SEMA3C: variants seen among roughly 807,000 people sequenced by gnomAD.
SEMA3C encodes semaphorin 3C.
Under a neutral mutation model 89.4 loss-of-function variants are expected in SEMA3C, and 47 were observed. That is an observed-to-expected ratio of 0.53 (90% CI 0.42 to 0.67). The LOEUF is 0.67. Ranked by LOEUF, SEMA3C falls within the 30% of genes least tolerant of loss-of-function variation. SEMA3C has a pLI of 0.00. For missense variants in SEMA3C, 839 were observed against 929.1 expected (o/e 0.90, Z 1.26); for synonymous variants, 310 against 320.2 (o/e 0.97, Z 0.34).
intron 2 of SEMA3C, among the ~76,000 whole-genome samples, chr7:80,859,716 A>G (rs1790725887): frequency 6.6e-6 from 1 of 152,154 alleles, no homozygotes; most frequent in South Asian, 2.1e-4. Context: ...GACAGCCTCC[A>G]TTTAGCTGTC....
rs1449995090 is a variant in SEMA3C, at chr7:80,754,957, G to GTTTTTTTTTTGTTTTTTTTGTTTT, written c.1643+3373_1643+3374insAAAACAAAAAAAACAAAAAAAAAA. Among the ~76,000 whole-genome samples the GTTTTTTTTTTGTTTTTTTTGTTTT allele has an allele frequency of 1.0e-4, 11 of 108,388 alleles. 1 individual carries two copies. The highest frequency in any genetic ancestry group is 3.9e-4 in the African/African-American group (11 of 28,350). The allele number at this position is 108,388 out of a possible 152,430, so 71.1% of individuals were successfully genotyped here. A position where few individuals can be genotyped will look rare whatever the true frequency, so the allele number is the denominator to read the frequency against. On this transcript the variant is annotated intron_variant, in intron 15 of 17. Transcript: ENST00000265361. ...CATGCCTGGCGAATTGTTTTTTTTTGTTTTTTTTTTTTTTGTATTTTTAGT... is the reference window on the plus strand; with the variant it reads ...CATGCCTGGCGAATTGTTTTTTTTTGTTTTTTTTTTGTTTTTTTTGTTTTTTTTTTTTTTTTTTGTATTTTTAGT...
rs76134501 is a variant in SEMA3C, at chr7:80,885,246, G to T, written c.103+31433C>A. Among the ~76,000 whole-genome samples the T allele has an allele frequency of 2.9e-3, 438 of 152,214 alleles. 3 individuals are homozygous for T. Among genetic ancestry groups the T allele is most frequent in the African/African-American group, 9.5e-3 (394 of 41,532 alleles). On this transcript the variant is annotated intron_variant, in intron 2 of 17. Coordinates refer to ENST00000265361, the MANE Select transcript of SEMA3C (RefSeq NM_006379.5). Reference sequence around the variant, plus strand: ...TTGTTTGTTTGTTTTCAGACATTTGGAAGATAGCTCTTCTCTACATTTTCC... The same window carrying T: ...TTGTTTGTTTGTTTTCAGACATTTGTAAGATAGCTCTTCTCTACATTTTCC...
intron 11 of SEMA3C, among the ~76,000 whole-genome samples, chr7:80,792,230 T>C (rs748947441): frequency 4.0e-4 from 61 of 152,198 alleles, no homozygotes; most frequent in Non-Finnish European, 7.5e-4. Context: ...CTGATGAACG[T>C]GTTCCATACT....
chr7:80,868,691 A>G (rs1443070928), intron 2 of SEMA3C, among the ~76,000 whole-genome samples: 3 of 152,166 alleles, frequency 2.0e-5, no homozygotes, highest in Admixed American at 1.3e-4. Flanking sequence ...AATTCATACC[A>G]AAATTTGTTG....
Position 80,828,657 on chromosome 7 carries a change from G to A in SEMA3C, c.192C>T (p.Asp64=). The part of the protein sequence containing the change: ...YRILLMDEDQ[D]RIYVGSKDHI... ...GATCTTTGCTTCCCACATATATCCG[G>A]TCCTGATCTTCATCCATTAATAAAA... Residue 64 remains aspartate, a synonymous_variant, in exon 3 of 18, where the codon GAC becomes GAT. Transcript: ENST00000265361. 6 of 1,611,940 alleles carry A rather than the reference G, an allele frequency of 3.7e-6. No homozygotes were observed. Among genetic ancestry groups the A allele is most frequent in the Non-Finnish European group, 5.1e-6 (6 of 1,178,508 alleles).
In SEMA3C at chr7:80,761,748, A is replaced by G. The variant is rs534136824; in HGVS notation, c.1444-91T>C. 8.7e-5 allele frequency: 62 copies of G among 713,712 alleles called. No homozygotes were observed. The Middle Eastern group carries it at 1.2e-3, about 13-fold the overall frequency. 44.2% of individuals were successfully genotyped at this position (713,712 alleles called of 1,614,324 possible). On this transcript the variant is annotated intron_variant, in intron 13 of 17. Coordinates refer to ENST00000265361, the MANE Select transcript of SEMA3C (RefSeq NM_006379.5). ...TTTTTTTCTATTAAATCTCAAGAAG[A>G]AATCACTTTTCTTTATATATACATC...
intron 8 of SEMA3C, among the ~76,000 whole-genome samples, chr7:80,803,679 T>C (rs1789266010): frequency 6.6e-6 from 1 of 152,138 alleles, no homozygotes; most frequent in Non-Finnish European, 1.5e-5. Context: ...AATGGTTCCT[T>C]AATAATCATC....
intron 2 of SEMA3C, among the ~76,000 whole-genome samples, chr7:80,834,230 C>T (rs1009261620): frequency 2.0e-5 from 3 of 152,070 alleles, no homozygotes; most frequent in Admixed American, 2.0e-4. Flanking sequence ...TTGTTTTCTA[C>T]AATCTACATT....
chr7:80,884,221 T>C (rs73709356), intron 2 of SEMA3C, among the ~76,000 whole-genome samples: 2,546 of 152,292 alleles, frequency 0.017, 75 homozygotes, highest in African/African-American at 0.057. Flanking sequence ...TCCTAAAAGA[T>C]GTGAAATATT....
intron 15 of SEMA3C, among the ~76,000 whole-genome samples, chr7:80,757,884 T>C (rs543908197): frequency 1.3e-5 from 2 of 152,258 alleles, no homozygotes; most frequent in South Asian, 4.1e-4. Flanking sequence ...GAGGATTGCT[T>C]GAACCCAGGA....
At chr7:80,833,760 G>A (rs1287671563) in intron 2 of SEMA3C, among the ~76,000 whole-genome samples, 1 of 151,828 alleles carries the variant, frequency 6.6e-6, no homozygotes, top group African/African-American at 2.4e-5. Context: ...GACTTGGGGA[G>A]AGAAACGACC....
intron 3 of SEMA3C, 54 bp downstream of exon 3, chr7:80,828,531 A>T (rs567159234): frequency 3.3e-5 from 47 of 1,413,860 alleles, no homozygotes; most frequent in East Asian, 9.3e-5. Context: ...TATTTTTTTT[A>T]AAAAAGAGAC....
At chr7:80,908,815 C>T (rs1792077244) in intron 2 of SEMA3C, among the ~76,000 whole-genome samples, 1 of 152,062 alleles carries the variant, frequency 6.6e-6, no homozygotes, top group Non-Finnish European at 1.5e-5. Flanking sequence ...TAAAAGCTGT[C>T]ACTATATAAG....
chr7:80,760,370 C>T (rs1788157578), intron 14 of SEMA3C, among the ~76,000 whole-genome samples: 1 of 152,176 alleles, frequency 6.6e-6, no homozygotes, highest in Admixed American at 6.5e-5. Context: ...CCATTAACTA[C>T]TGTAAACAAA....
At chr7:80,786,397 A>C (rs1329135335) in intron 12 of SEMA3C, among the ~76,000 whole-genome samples, 1 of 143,744 alleles carries the variant, frequency 7.0e-6, no homozygotes, top group Non-Finnish European at 1.5e-5. Context: ...GATTTTCATG[A>C]AAAAAAAAAA....
chr7:80,881,503 A>T (rs746212862), intron 2 of SEMA3C, among the ~76,000 whole-genome samples: 4 of 152,200 alleles, frequency 2.6e-5, no homozygotes, highest in Admixed American at 1.3e-4. Context: ...ACAAGAAATA[A>T]TGAACAATTT....
intron 5 of SEMA3C, chr7:80,816,005 T>G (rs1381036131): frequency 6.6e-6 from 1 of 152,186 alleles, no homozygotes; most frequent in East Asian, 1.9e-4. Context: ...TATTGCTTTA[T>G]CTTTTTCCAG....
At chr7:80,912,739 T>G (rs1049439934) in intron 2 of SEMA3C, among the ~76,000 whole-genome samples, 1 of 152,194 alleles carries the variant, frequency 6.6e-6, no homozygotes, top group African/African-American at 2.4e-5. Flanking sequence ...CTGAGAAGAT[T>G]CAATACACCC....
At chr7:80,828,988 C>T (rs1406981050) in intron 2 of SEMA3C, among the ~76,000 whole-genome samples, 1 of 151,988 alleles carries the variant, frequency 6.6e-6, no homozygotes, top group African/African-American at 2.4e-5. Context: ...CATAGTGAGA[C>T]CTTGTCTCAA....
Sources: allele counts gnomAD v4.1 joint callset (sites outside exome capture counted in the v4.1 genomes callset), GRCh38; gene constraint gnomAD v4.1.1; transcripts MANE v1.5; gene names NCBI Gene and HGNC (gene_info 2026-07-23, HGNC 2026-07-21).